Variants in DOCK3 observed in about 807,000 individuals in gnomAD.
DOCK3 encodes dedicator of cytokinesis protein 3.
Under a neutral mutation model 265.6 loss-of-function variants are expected in DOCK3, and 60 were observed. The ratio of observed to expected loss-of-function variants is 0.23; its 90% CI spans 0.18 to 0.28. The LOEUF (loss-of-function observed/expected upper bound fraction) is 0.28, where lower values mean the gene tolerates loss of function less well. DOCK3 is among the 10% of genes least tolerant of loss of function. The pLI is 1.00. For missense variants in DOCK3, 1,981 were observed against 2,594.3 expected (o/e 0.76, Z 5.14); for synonymous variants, 881 against 938.0 (o/e 0.94, Z 1.11).
chr3:51,053,110 T>TATAG (rs1553745867), intron 5 of DOCK3, among the ~76,000 whole-genome samples: 5 of 125,150 alleles, frequency 4.0e-5, no homozygotes, highest in African/African-American at 1.4e-4. Flanking sequence ...TATATATATA[T>TATAG]ATATATATAT....
intron 12 of DOCK3, among the ~76,000 whole-genome samples, chr3:51,182,468 T>C (rs1299539826): frequency 6.6e-6 from 1 of 152,230 alleles, no homozygotes; most frequent in Non-Finnish European, 1.5e-5. Flanking sequence ...GTGTATTTAT[T>C]CCTTGCTCTC....
intron 3 of DOCK3, among the ~76,000 whole-genome samples, chr3:50,889,812 C>T (rs1212375490): frequency 6.6e-6 from 1 of 152,080 alleles, no homozygotes; most frequent in Admixed American, 6.6e-5. Context: ...CTAAAGATCA[C>T]AGTTGTCTCC....
intron 1 of DOCK3, among the ~76,000 whole-genome samples, chr3:50,703,118 C>T (rs1374752541): frequency 6.6e-6 from 1 of 152,066 alleles, no homozygotes; most frequent in East Asian, 1.9e-4. Context: ...TTTTATTCTT[C>T]ATTTTGTCGA....
intron 49 of DOCK3, among the ~76,000 whole-genome samples, chr3:51,371,002 C>T (rs572032454): frequency 9.2e-5 from 14 of 152,266 alleles, no homozygotes; most frequent in Non-Finnish European, 2.1e-4. Context: ...GCTGATTTTC[C>T]CCAGAGAAAG....
At chr3:50,719,358 C>A in intron 1 of DOCK3, 2 of 345,964 alleles carry the variant, frequency 5.8e-6, no homozygotes, top group Non-Finnish European at 5.2e-6. Flanking sequence ...AAATATGGAA[C>A]CCAAAGACCT....
chr3:51,323,248 A>G (rs60862896), intron 32 of DOCK3, among the ~76,000 whole-genome samples: 4,888 of 152,206 alleles, frequency 0.032, 282 homozygotes, highest in African/African-American at 0.11. Flanking sequence ...CTCCCACACA[A>G]TAATAGTGGG....
intron 2 of DOCK3, among the ~76,000 whole-genome samples, chr3:50,793,380 C>G (rs1257842919): frequency 2.1e-4 from 27 of 130,422 alleles, no homozygotes; most frequent in African/African-American, 6.9e-4. Flanking sequence ...TTTTTTGAGG[C>G]AGAGTTTTGC....
chr3:50,706,030 CAA>C (rs796376606), intron 1 of DOCK3, among the ~76,000 whole-genome samples: 5 of 138,342 alleles, frequency 3.6e-5, no homozygotes, highest in Non-Finnish European at 4.7e-5. Context: ...GACTCTGTCT[CAA>C]AAAAAAAAAA....
intron 27 of DOCK3, among the ~76,000 whole-genome samples, chr3:51,284,782 T>A (rs1332226369): frequency 6.6e-6 from 1 of 152,178 alleles, no homozygotes; most frequent in Non-Finnish European, 1.5e-5. Flanking sequence ...TGGAAGGCAT[T>A]TGGCCACACA....
intron 32 of DOCK3, among the ~76,000 whole-genome samples, chr3:51,316,630 T>C (rs2083382660): frequency 6.6e-6 from 1 of 152,258 alleles, no homozygotes; most frequent in Non-Finnish European, 1.5e-5. Flanking sequence ...CTTAGTATTA[T>C]CTGTTCGTTT....
At chr3:50,781,191 A>G (rs2041892862) in intron 2 of DOCK3, among the ~76,000 whole-genome samples, 1 of 151,574 alleles carries the variant, frequency 6.6e-6, no homozygotes, top group South Asian at 2.1e-4. Flanking sequence ...AGAGATCTTG[A>G]GACCAAAAAA....
chr3:50,835,458 A>G (rs775553430), intron 2 of DOCK3, among the ~76,000 whole-genome samples: 1 of 152,246 alleles, frequency 6.6e-6, no homozygotes, highest in Non-Finnish European at 1.5e-5. Context: ...GCACCTGTCA[A>G]AGTTATATAG....
intron 9 of DOCK3, among the ~76,000 whole-genome samples, chr3:51,098,079 C>G (rs1366421277): frequency 6.6e-6 from 1 of 152,112 alleles, no homozygotes; most frequent in Non-Finnish European, 1.5e-5. Flanking sequence ...AGCCACCGAT[C>G]GGAGTTTTGC....
chr3:51,381,393 A>G lies in DOCK3; in HGVS notation c.5927A>G (p.Lys1976Arg), dbSNP rs2088630450. 4 of 1,612,642 alleles carry G rather than the reference A, an allele frequency of 2.5e-6. No individual in the cohort carries two copies. The highest frequency in any genetic ancestry group is 3.4e-6 in the Non-Finnish European group (4 of 1,179,768). ...DPMDPPALPP[K>R]PYHPRLPALE... ...ATGGACCCGCCTGCGCTGCCGCCCA[A>G]GCCCTACCACCCCCGCCTGCCGGCC... Residue 1976 changes from lysine (K) to arginine (R), a missense_variant, in exon 53 of 53, where the codon AAG becomes AGG. Physicochemically the swap from Lys to Arg is conservative, Grantham distance 26. This residue lies in a region of DOCK3 where 149 missense variants were observed against 144.7 expected (regional missense o/e 1.03). Coordinates refer to ENST00000266037, the MANE Select transcript of DOCK3 (RefSeq NM_004947.5). This position sits in a 1 kb window ranked among gnomAD's most constrained non-coding sequence, Gnocchi z 5.6.
chr3:51,023,105 G>A (rs574257052), intron 5 of DOCK3, among the ~76,000 whole-genome samples: 5 of 152,220 alleles, frequency 3.3e-5, no homozygotes, highest in South Asian at 2.1e-4. Flanking sequence ...CTCTAACAAC[G>A]CCAAGGAAGT....
At chr3:50,798,204 G>C (rs1037855637) in intron 2 of DOCK3, among the ~76,000 whole-genome samples, 2 of 152,200 alleles carry the variant, frequency 1.3e-5, no homozygotes, top group African/African-American at 4.8e-5. Context: ...CAGGCAACCA[G>C]ATCTTGAGGC....
intron 2 of DOCK3, among the ~76,000 whole-genome samples, chr3:50,821,845 T>C (rs2044455188): frequency 1.3e-5 from 2 of 152,140 alleles, no homozygotes; most frequent in African/African-American, 4.8e-5. Flanking sequence ...ATTTCTGAGT[T>C]TTCTATTCTG....
At chr3:51,198,016 T>C (rs953225803) in intron 12 of DOCK3, among the ~76,000 whole-genome samples, 5 of 152,180 alleles carry the variant, frequency 3.3e-5, no homozygotes, top group African/African-American at 1.2e-4. Context: ...CTTACTTGCT[T>C]CTTAGCTCTG....
intron 2 of DOCK3, among the ~76,000 whole-genome samples, chr3:50,817,077 TTGA>T (rs1282804693): frequency 6.6e-6 from 1 of 152,218 alleles, no homozygotes; most frequent in African/African-American, 2.4e-5. Flanking sequence ...TGGTTATTTC[TTGA>T]TGATATGCCA....
Sources: allele counts gnomAD v4.1 joint callset (sites outside exome capture counted in the v4.1 genomes callset), GRCh38; gene constraint gnomAD v4.1.1; regional missense constraint gnomAD v4.1.1; non-coding constraint Gnocchi (gnomAD v3.1); transcripts MANE v1.5; gene names NCBI Gene and HGNC (gene_info 2026-07-23, HGNC 2026-07-21).